ERICH6B: variants seen among roughly 807,000 people sequenced by gnomAD.
The protein encoded by ERICH6B is glutamate rich 6B.
Under a neutral mutation model 80.0 loss-of-function variants are expected in ERICH6B, and 69 were observed. That is an observed-to-expected ratio of 0.86 (90% CI 0.71 to 1.05). The LOEUF is 1.05. Ranked by LOEUF, ERICH6B falls within the 50% of genes least tolerant of loss-of-function variation. ERICH6B has a pLI of 0.00. For missense variants in ERICH6B, 754 were observed against 796.1 expected (o/e 0.95, Z 0.64); for synonymous variants, 283 against 291.9 (o/e 0.97, Z 0.31).
At chr13:45,541,946 C>G (rs181732314) in intron 14 of ERICH6B, among the ~76,000 whole-genome samples, 2 of 152,220 alleles carry the variant, frequency 1.3e-5, no homozygotes, top group African/African-American at 4.8e-5. Context: ...GAAAGCAGTT[C>G]TGGTGCCCTG....
At chr13:45,567,592 C>T (rs1304132702) in intron 9 of ERICH6B, among the ~76,000 whole-genome samples, 2 of 152,220 alleles carry the variant, frequency 1.3e-5, no homozygotes, top group African/African-American at 4.8e-5. Flanking sequence ...GTGCCTTTCA[C>T]CTTCTGCCAT....
intron 4 of ERICH6B, among the ~76,000 whole-genome samples, chr13:45,588,230 G>A (rs1274809482): frequency 6.6e-6 from 1 of 152,194 alleles, no homozygotes; most frequent in African/African-American, 2.4e-5. Context: ...TCACAGGTGG[G>A]TGCCCTGGGA....
intron 9 of ERICH6B, among the ~76,000 whole-genome samples, chr13:45,564,761 C>T (rs1193683934): frequency 1.3e-5 from 2 of 152,134 alleles, no homozygotes; most frequent in African/African-American, 4.8e-5. Context: ...AAAATAAGGA[C>T]CAAGGAATGG....
chr13:45,609,796 G>A (rs1949889358), intron 1 of ERICH6B, among the ~76,000 whole-genome samples: 1 of 152,160 alleles, frequency 6.6e-6, no homozygotes, highest in Non-Finnish European at 1.5e-5. Flanking sequence ...ATGGGGATAC[G>A]CTCTGAGAAA....
intron 11 of ERICH6B, among the ~76,000 whole-genome samples, chr13:45,557,096 A>C (rs1004602377): frequency 6.6e-6 from 1 of 152,128 alleles, no homozygotes; most frequent in Non-Finnish European, 1.5e-5. Context: ...CCACACCAAC[A>C]TCTATTATTT....
intron 5 of ERICH6B, among the ~76,000 whole-genome samples, chr13:45,586,223 C>G (rs1875894232): frequency 6.6e-6 from 1 of 152,124 alleles, no homozygotes; most frequent in African/African-American, 2.4e-5. Context: ...TCTCCATTCT[C>G]CCTTATAGGG....
At chr13:45,545,530 T>A (rs570334904) in intron 13 of ERICH6B, among the ~76,000 whole-genome samples, 2 of 152,352 alleles carry the variant, frequency 1.3e-5, no homozygotes, top group South Asian at 4.1e-4. Context: ...CAGACACATC[T>A]CACATAGGTT....
At chr13:45,591,891 T>TA (rs1328552816) in intron 3 of ERICH6B, among the ~76,000 whole-genome samples, 4 of 152,088 alleles carry the variant, frequency 2.6e-5, no homozygotes, top group Admixed American at 1.3e-4. Context: ...TTTCATTTTT[T>TA]AAAAAAAGGA....
At chr13:45,554,406 C>T (rs7325062) in intron 11 of ERICH6B, among the ~76,000 whole-genome samples, 14,397 of 152,124 alleles carry the variant, frequency 0.095, 2,000 homozygotes, top group African/African-American at 0.3. Flanking sequence ...TGTATTTTAC[C>T]CACAGTTGGT....
chr13:45,603,937 G>A (rs1420509776), intron 2 of ERICH6B, among the ~76,000 whole-genome samples: 3 of 152,214 alleles, frequency 2.0e-5, no homozygotes, highest in Admixed American at 2.0e-4. Context: ...CAGCGGGTAC[G>A]ATGTGTGTTG....
At chr13:45,593,527 A>G (rs574339597) in intron 3 of ERICH6B, among the ~76,000 whole-genome samples, 1 of 152,186 alleles carries the variant, frequency 6.6e-6, no homozygotes, top group African/African-American at 2.4e-5. Context: ...CACACATCCT[A>G]TGAGGTAGGT....
rs947593417 is a variant in ERICH6B at position 45,553,338 on chromosome 13, G to A, written c.1408-3022C>T. On this transcript the variant is annotated intron_variant, in intron 11 of 14. Transcript: ENST00000298738. ...TCTAGGGGTGGAGGGTTGGGGCCAC[G>A]GTGGGCGCTGTGGTCACTGGATGGG... 3.4e-4 allele frequency among the ~76,000 whole-genome samples: 51 copies of A among 152,238 alleles called. 1 individual carries two copies. The highest frequency in any genetic ancestry group is 1.0e-3 in the African/African-American group (43 of 41,516).
chr13:45,558,762 C>T (rs540795636), intron 11 of ERICH6B, among the ~76,000 whole-genome samples: 1 of 152,236 alleles, frequency 6.6e-6, no homozygotes, highest in African/African-American at 2.4e-5. Flanking sequence ...TAAACCATTC[C>T]TGCATCCCTG....
At chr13:45,577,246 T>C (rs908079912) in intron 7 of ERICH6B, among the ~76,000 whole-genome samples, 8 of 150,598 alleles carry the variant, frequency 5.3e-5, no homozygotes, top group Non-Finnish European at 1.0e-4. Context: ...AGGTGGAGCA[T>C]GTCTTCTCCT....
At chr13:45,545,594 T>A (rs950292172) in intron 13 of ERICH6B, among the ~76,000 whole-genome samples, 1 of 152,252 alleles carries the variant, frequency 6.6e-6, no homozygotes, top group Non-Finnish European at 1.5e-5. Context: ...TTTTTGTTTT[T>A]GTTTTTGTTT....
At chr13:45,552,122 G>A (rs1408843050) in intron 11 of ERICH6B, among the ~76,000 whole-genome samples, 3 of 152,182 alleles carry the variant, frequency 2.0e-5, no homozygotes, top group African/African-American at 7.2e-5. Flanking sequence ...ATTTGCCAAT[G>A]TATAAAGGAC....
chr13:45,561,363 T>C lies in ERICH6B; in HGVS notation c.1407+6A>G. On this transcript the variant is annotated splice_donor_region_variant and intron_variant, in intron 11 of 14. Transcript: ENST00000298738. ...GTAAAAAACAGCAATGTACTGTCCC[T>C]CTTACCACTGTCTTCTTCTGTATCC... 6.4e-7 allele frequency: 1 copy of C among 1,552,002 alleles called. No individual in the cohort carries two copies. The highest frequency in any genetic ancestry group is 8.7e-7 in the Non-Finnish European group (1 of 1,146,942).
intron 13 of ERICH6B, among the ~76,000 whole-genome samples, chr13:45,546,283 C>A (rs534324491): frequency 2.0e-5 from 3 of 152,266 alleles, no homozygotes; most frequent in Admixed American, 6.5e-5. Context: ...TCCCAAAGGG[C>A]AGTTCCTAGA....
intron 7 of ERICH6B, among the ~76,000 whole-genome samples, chr13:45,577,490 G>A (rs1039183318): frequency 1.3e-5 from 2 of 151,820 alleles, no homozygotes; most frequent in Admixed American, 6.6e-5. Context: ...TACCATGTTG[G>A]CCAGGATGCT....
Sources: gnomAD v4.1 joint callset for allele counts (sites outside exome capture counted in the v4.1 genomes callset) on GRCh38, gnomAD v4.1.1 for gene constraint, MANE v1.5 for transcripts, NCBI Gene and HGNC (gene_info 2026-07-23, HGNC 2026-07-21) for gene names.